ZPBP: variants seen among roughly 807,000 people sequenced by gnomAD.
ZPBP encodes the protein zona pellucida binding protein.
Under a neutral mutation model 44.8 loss-of-function variants are expected in ZPBP, and 26 were observed. The ratio of observed to expected loss-of-function variants is 0.58; its 90% CI spans 0.43 to 0.81. The LOEUF is 0.81. Ranked by LOEUF, ZPBP falls within the 30% of genes least tolerant of loss-of-function variation. The pLI is 0.00. For synonymous variants in ZPBP, 174 were observed against 153.2 expected (o/e 1.14, Z -1.00); for missense variants, 409 against 434.0 (o/e 0.94, Z 0.51).
At chr7:50,081,956 A>G (rs1365676460) in intron 2 of ZPBP, 57 bp from the exon 3 acceptor site, 2 of 1,582,014 alleles carry the variant, frequency 1.3e-6, no homozygotes, top group African/African-American at 1.4e-5. Flanking sequence ...TTCTTTCTCT[A>G]TAATGTACAC....
At chr7:50,013,316 A>G (rs1798670552) in intron 6 of ZPBP, among the ~76,000 whole-genome samples, 1 of 151,976 alleles carries the variant, frequency 6.6e-6, no homozygotes, top group African/African-American at 2.4e-5. Flanking sequence ...GAAAGGCATC[A>G]CATTTCTCTG....
downstream of ZPBP, among the ~76,000 whole-genome samples, chr7:49,932,487 T>G (rs1562783185): frequency 1.3e-5 from 2 of 152,262 alleles, no homozygotes; most frequent in Admixed American, 6.5e-5. Flanking sequence ...TGCAGCCCCT[T>G]CGTTTTGGCC....
downstream of ZPBP, among the ~76,000 whole-genome samples, chr7:49,848,741 C>T (rs1336471885): frequency 1.3e-5 from 2 of 152,202 alleles, no homozygotes; most frequent in East Asian, 3.8e-4. Context: ...ATTTCTCTCA[C>T]AGGTTAATAA....
intron 6 of ZPBP, among the ~76,000 whole-genome samples, chr7:50,001,845 A>G (rs1798111863): frequency 6.6e-6 from 1 of 152,152 alleles, no homozygotes; most frequent in Non-Finnish European, 1.5e-5. Flanking sequence ...GAGAAGAGAG[A>G]GCTGCATAGA....
intron 7 of ZPBP, chr7:49,943,060 A>G (rs557172464): frequency 1.2e-5 from 4 of 336,666 alleles, no homozygotes; most frequent in South Asian, 8.6e-5. Flanking sequence ...GCAGCTTGAC[A>G]AAGAAAGGAA....
At chr7:49,996,726 G>A (rs1797866630) in intron 6 of ZPBP, among the ~76,000 whole-genome samples, 2 of 152,130 alleles carry the variant, frequency 1.3e-5, no homozygotes, top group Non-Finnish European at 2.9e-5. Context: ...CATTTGACCT[G>A]GAACTTTTCT....
At chr7:49,930,549 A>G (rs923559969) in intron 1 of ZPBP, among the ~76,000 whole-genome samples, 2 of 152,198 alleles carry the variant, frequency 1.3e-5, no homozygotes, top group East Asian at 1.9e-4. Context: ...GGAAGAAACT[A>G]TTTCTATATA....
chr7:49,991,082 C>T (rs1797550737), intron 6 of ZPBP, among the ~76,000 whole-genome samples: 1 of 152,018 alleles, frequency 6.6e-6, no homozygotes, highest in African/African-American at 2.4e-5. Flanking sequence ...ATTTGGGAAT[C>T]TCTGGGATAA....
intron 1 of ZPBP, among the ~76,000 whole-genome samples, chr7:49,930,930 C>T (rs942551910): frequency 3.9e-5 from 6 of 152,142 alleles, no homozygotes; most frequent in Non-Finnish European, 2.9e-5. Context: ...TGTGGGAGGG[C>T]CCAAGTGGGA....
chr7:49,943,244 T>G (rs1393017103), intron 7 of ZPBP: 2 of 307,368 alleles, frequency 6.5e-6, no homozygotes, highest in Non-Finnish European at 1.3e-5. Context: ...GCTTTACTTG[T>G]TCAAGTACAA....
chr7:50,022,454 G>A (rs1355292605), intron 5 of ZPBP, among the ~76,000 whole-genome samples: 1 of 151,882 alleles, frequency 6.6e-6, no homozygotes, highest in Non-Finnish European at 1.5e-5. Flanking sequence ...ATTCAAACTA[G>A]TTTCTTACAA....
chr7:49,866,571 T>A (rs559253998), intron 2 of ZPBP, among the ~76,000 whole-genome samples: 121 of 152,280 alleles, frequency 7.9e-4, no homozygotes, highest in African/African-American at 2.7e-3. Flanking sequence ...CTTGCCCATG[T>A]GACTCAGAAA....
At chr7:49,859,445 A>C (rs1790558420) in intron 2 of ZPBP, among the ~76,000 whole-genome samples, 1 of 152,142 alleles carries the variant, frequency 6.6e-6, no homozygotes, top group Non-Finnish European at 1.5e-5. Flanking sequence ...AATGGAGATG[A>C]TACTGATTTT....
downstream of ZPBP, among the ~76,000 whole-genome samples, chr7:49,849,181 G>A (rs691087): frequency 0.051 from 7,695 of 152,238 alleles, 650 homozygotes; most frequent in African/African-American, 0.17. Flanking sequence ...ACTGGATCCC[G>A]TGAAGCCTCG....
intron 7 of ZPBP, among the ~76,000 whole-genome samples, chr7:49,980,073 TATA>T (rs1436223344): frequency 5.5e-3 from 75 of 13,582 alleles, no homozygotes; most frequent in African/African-American, 0.022. Context: ...TATATTATAA[TATA>T]TATAATATAA....
rs892792592 is a variant in ZPBP, at chr7:50,092,633, G to A, written c.127+435C>T. Among the ~76,000 whole-genome samples the A allele has an allele frequency of 2.4e-4, 37 of 152,092 alleles. 1 individual carries two copies. The highest frequency in any genetic ancestry group is 4.9e-4 in the Non-Finnish European group (33 of 68,006). On this transcript the variant is annotated intron_variant, in intron 1 of 7. Transcript: ENST00000046087. ...CTTTAGAGGTCAAAACTTTAAAATC[G>A]CATTATTTCCTGTATTTCACAGCTA...
chr7:49,949,382 C>T (rs1170524954), intron 7 of ZPBP, among the ~76,000 whole-genome samples: 1 of 151,990 alleles, frequency 6.6e-6, no homozygotes, highest in Non-Finnish European at 1.5e-5. Context: ...TGGATGTAGC[C>T]CAATGCCCAT....
chr7:49,888,372 TGTTCA>T (rs1791985694), intron 2 of ZPBP, among the ~76,000 whole-genome samples: 1 of 152,252 alleles, frequency 6.6e-6, no homozygotes, highest in Non-Finnish European at 1.5e-5. Flanking sequence ...ATTTAGTTCT[TGTTCA>T]GATTATCAAT....
downstream of ZPBP, among the ~76,000 whole-genome samples, chr7:49,846,596 C>T (rs1432220448): frequency 6.6e-6 from 1 of 152,194 alleles, no homozygotes; most frequent in Non-Finnish European, 1.5e-5. Flanking sequence ...TGGCTCTCTC[C>T]TTTTCTCCTT....
Sources: allele counts gnomAD v4.1 joint callset (sites outside exome capture counted in the v4.1 genomes callset), GRCh38; gene constraint gnomAD v4.1.1; transcripts MANE v1.5; gene names NCBI Gene and HGNC (gene_info 2026-07-23, HGNC 2026-07-21).